TMEM108: variants seen among roughly 807,000 people sequenced by gnomAD.
TMEM108 encodes the protein transmembrane protein 108, also known as cancer/testis antigen 124.
TMEM108 carries 12 observed loss-of-function variants against 35.1 expected under a neutral mutation model. The observed-to-expected ratio is 0.34, with a 90% CI of 0.22 to 0.55. The LOEUF is 0.55. TMEM108 is among the 20% of genes least tolerant of loss of function. TMEM108 has a pLI of 0.89. For synonymous variants in TMEM108, 287 were observed against 308.6 expected (o/e 0.93, Z 0.73); for missense variants, 680 against 753.3 (o/e 0.90, Z 1.14).
chr3:133,355,928 A>G (rs114369240), intron 3 of TMEM108, among the ~76,000 whole-genome samples: 3,204 of 152,222 alleles, frequency 0.021, 94 homozygotes, highest in African/African-American at 0.073. Context: ...CTTACATTTG[A>G]TGAAATATGG....
chr3:133,149,739 A>T (rs1328908067), intron 2 of TMEM108, among the ~76,000 whole-genome samples: 6 of 152,132 alleles, frequency 3.9e-5, no homozygotes, highest in Non-Finnish European at 8.8e-5. Context: ...TACATAAGGG[A>T]ATATATATAT....
intron 3 of TMEM108, among the ~76,000 whole-genome samples, chr3:133,338,889 T>A (rs1188292192): frequency 6.6e-6 from 1 of 151,954 alleles, no homozygotes; most frequent in East Asian, 1.9e-4. Flanking sequence ...GTTATCAGCT[T>A]AAAATAATGG....
rs562419584 is a variant in TMEM108 at position 133,040,459 on chromosome 3, T to C, written c.-166+2024T>C. Among the ~76,000 whole-genome samples, 31 of 152,156 alleles carry C rather than the reference T, an allele frequency of 2.0e-4. No homozygotes were observed. The South Asian group carries it at 5.2e-3, about 25-fold the overall frequency. ...ACCTCGTGATCCACCTGCCTCAGCC[T>C]CCCAAAGTGCTGGGATTACAGGCAT... is the stretch of plus-strand genomic sequence containing the variant. On this transcript the variant is annotated intron_variant, in intron 1 of 5. Transcript: ENST00000321871.
At chr3:133,045,485 G>A (rs1344994443) in intron 1 of TMEM108, among the ~76,000 whole-genome samples, 1 of 152,182 alleles carries the variant, frequency 6.6e-6, no homozygotes, top group East Asian at 1.9e-4. Flanking sequence ...ATAAGGTTAA[G>A]TGTGACTGTG....
chr3:133,338,547 A>G (rs978505475), intron 3 of TMEM108, among the ~76,000 whole-genome samples: 1 of 152,164 alleles, frequency 6.6e-6, no homozygotes, highest in African/African-American at 2.4e-5. Flanking sequence ...CCTACAAGAA[A>G]TGCTAAATAC....
chr3:133,057,297 A>G (rs939709935), intron 2 of TMEM108, among the ~76,000 whole-genome samples: 1 of 150,708 alleles, frequency 6.6e-6, no homozygotes, highest in African/African-American at 2.4e-5. Flanking sequence ...CCTTTTCTCT[A>G]TTTTCCTTAT....
intron 3 of TMEM108, chr3:133,247,740 T>G (rs1946407813): frequency 1.3e-5 from 2 of 152,302 alleles, no homozygotes; most frequent in African/African-American, 4.8e-5. Context: ...CAACACACTT[T>G]TATAAAGAAT....
intron 2 of TMEM108, among the ~76,000 whole-genome samples, chr3:133,111,633 A>G (rs1944225822): frequency 6.6e-6 from 1 of 152,100 alleles, no homozygotes; most frequent in Non-Finnish European, 1.5e-5. Flanking sequence ...TTATCATACT[A>G]TATAATATGC....
intron 4 of TMEM108, chr3:133,388,585 A>G (rs536876732): frequency 4.1e-6 from 4 of 985,408 alleles, no homozygotes; most frequent in South Asian, 4.7e-5. Flanking sequence ...AATTCCTTCT[A>G]TGTTTTAAAG....
At chr3:133,090,105 C>T (rs550300091) in intron 2 of TMEM108, among the ~76,000 whole-genome samples, 23 of 152,266 alleles carry the variant, frequency 1.5e-4, no homozygotes, top group Admixed American at 1.4e-3. Flanking sequence ...TACTGAAACC[C>T]TGGAAACTTT....
chr3:133,167,906 G>A lies in TMEM108; in HGVS notation c.-46-61360G>A, dbSNP rs147120747. On this transcript the variant is annotated intron_variant, in intron 2 of 5. Transcript: ENST00000321871. ...TGGGCACCGAGGCTGAGGAGGCACC[G>A]AGAGCGAGTGAGGGCTGCCAGCACA... is the stretch of plus-strand genomic sequence containing the variant. 1.1e-3 allele frequency among the ~76,000 whole-genome samples: 166 copies of A among 152,284 alleles called. No homozygotes were observed. In the East Asian group the frequency reaches 0.021, roughly 19 times the overall value.
rs565848922 is a variant in TMEM108 at position 133,283,016 on chromosome 3, G to A, written c.40+53665G>A. On this transcript the variant is annotated intron_variant, in intron 3 of 5. Coordinates refer to ENST00000321871, the MANE Select transcript of TMEM108 (RefSeq NM_023943.4). ...TATGTGTGTAAACAAGAAAACTCAGGAAGGTCACACAAATAGGTAGCAACA... is the reference window on the plus strand; with the variant it reads ...TATGTGTGTAAACAAGAAAACTCAGAAAGGTCACACAAATAGGTAGCAACA... 2.2e-4 allele frequency among the ~76,000 whole-genome samples: 34 copies of A among 152,320 alleles called. No homozygotes were observed. The South Asian group carries it at 5.8e-3, about 26-fold the overall frequency.
chr3:133,397,542 T>C lies in TMEM108; in HGVS notation c.*1556T>C, dbSNP rs1231927150. 1 of 152,222 alleles carries C rather than the reference T, an allele frequency of 6.6e-6. No homozygotes were observed. Among genetic ancestry groups the C allele is most frequent in the Admixed American group, 6.5e-5 (1 of 15,280 alleles). The allele number at this position is 152,222 out of a possible 1,614,324, so 9.4% of individuals were successfully genotyped here. Reference sequence around the variant, plus strand: ...TAAGTTTAATTTTCTAGCGTGTTGTTGTCTTACCTTTTTAACCTTACCATA... The same window carrying C: ...TAAGTTTAATTTTCTAGCGTGTTGTCGTCTTACCTTTTTAACCTTACCATA... On this transcript the variant is annotated 3_prime_UTR_variant, in exon 6 of 6. Transcript: ENST00000321871.
At chr3:133,275,604 G>A (rs1420280027) in intron 3 of TMEM108, among the ~76,000 whole-genome samples, 4 of 152,036 alleles carry the variant, frequency 2.6e-5, no homozygotes, top group Non-Finnish European at 4.4e-5. Context: ...CAACTCTTGA[G>A]GTTAGATGGA....
Position 133,346,519 on chromosome 3 carries a change from T to C in TMEM108, c.41-33233T>C, listed in dbSNP as rs528174521. 1.8e-4 allele frequency among the ~76,000 whole-genome samples: 27 copies of C among 152,184 alleles called. No individual in the cohort carries two copies. The South Asian group carries it at 4.6e-3, about 26-fold the overall frequency. On this transcript the variant is annotated intron_variant, in intron 3 of 5. Coordinates refer to ENST00000321871, the MANE Select transcript of TMEM108 (RefSeq NM_023943.4). The surrounding 1 kb of genome is among the most constrained non-coding windows in gnomAD (Gnocchi z 4.0). ...CCCAATTTTTAATTGAATTTTCTTA[T>C]ATTAAATTTTAAGAGAGATTTGTAT...
chr3:133,354,132 A>G (rs1451007059), intron 3 of TMEM108, among the ~76,000 whole-genome samples: 1 of 152,128 alleles, frequency 6.6e-6, no homozygotes, highest in Non-Finnish European at 1.5e-5. Context: ...GTCAGTTTTT[A>G]TGTTATAAAA....
At chr3:133,369,133 T>C (rs2072584481) in intron 3 of TMEM108, among the ~76,000 whole-genome samples, 1 of 152,128 alleles carries the variant, frequency 6.6e-6, no homozygotes, top group South Asian at 2.1e-4. Flanking sequence ...CCCAAGCCCA[T>C]GGCCCTCCCA....
chr3:133,159,178 G>A (rs919478263), intron 2 of TMEM108, among the ~76,000 whole-genome samples: 5 of 152,160 alleles, frequency 3.3e-5, no homozygotes, highest in African/African-American at 7.2e-5. Context: ...GGAAGTAGGC[G>A]AGCTGCTCTG....
chr3:133,376,483 G>A (rs2072843413), intron 3 of TMEM108, among the ~76,000 whole-genome samples: 1 of 152,180 alleles, frequency 6.6e-6, no homozygotes, highest in Non-Finnish European at 1.5e-5. Flanking sequence ...CACCAGCTGG[G>A]TGCAGGCAGA....
Sources: allele counts gnomAD v4.1 joint callset (sites outside exome capture counted in the v4.1 genomes callset), GRCh38; gene constraint gnomAD v4.1.1; non-coding constraint Gnocchi (gnomAD v3.1); transcripts MANE v1.5; gene names NCBI Gene and HGNC (gene_info 2026-07-23, HGNC 2026-07-21).